NRG3: variants seen among roughly 807,000 people sequenced by gnomAD.
NRG3 encodes the protein pro-neuregulin-3, membrane-bound isoform.
A neutral mutation model predicts 66.9 loss-of-function variants in NRG3; 31 were observed. The ratio of observed to expected loss-of-function variants is 0.46; its 90% confidence interval spans 0.35 to 0.63. NRG3 has a LOEUF of 0.63. Among genes scored for constraint, NRG3 ranks in the 20% least tolerant of loss-of-function variants. The pLI, the probability that NRG3 is intolerant of heterozygous loss-of-function variation, is 0.00. For missense variants in NRG3, 910 were observed against 878.9 expected, an observed-to-expected ratio of 1.04 and a Z score of -0.45; for synonymous variants, 393 against 359.4, an observed-to-expected ratio of 1.09 and a Z score of -1.06.
intron 3 of NRG3, among the ~76,000 whole-genome samples, chr10:82,794,171 G>A (rs1393658204): frequency 3.3e-5 from 5 of 152,106 alleles, no homozygotes; most frequent in Non-Finnish European, 7.4e-5. Context: ...AGGTGCCTCA[G>A]ATAATAAATT....
At chr10:82,210,930 A>G (rs1280251083) in intron 1 of NRG3, among the ~76,000 whole-genome samples, 1 of 151,960 alleles carries the variant, frequency 6.6e-6, no homozygotes, top group Non-Finnish European at 1.5e-5. Flanking sequence ...GGTAAAAAAA[A>G]AAAAAAAGGC....
At chr10:82,980,108 G>A (rs575826654) in intron 8 of NRG3, among the ~76,000 whole-genome samples, 25 of 152,088 alleles carry the variant, frequency 1.6e-4, no homozygotes, top group African/African-American at 5.8e-4. Flanking sequence ...GGGAGGCTGA[G>A]GTGGCAGGAT....
intron 2 of NRG3, among the ~76,000 whole-genome samples, chr10:82,600,821 G>A (rs1019807474): frequency 2.0e-5 from 3 of 151,840 alleles, no homozygotes; most frequent in Non-Finnish European, 4.4e-5. Context: ...TATGGGGTAC[G>A]TGTGCAGGTT....
intron 2 of NRG3, among the ~76,000 whole-genome samples, chr10:82,393,746 G>T (rs182643388): frequency 6.6e-6 from 1 of 152,148 alleles, no homozygotes; most frequent in African/African-American, 2.4e-5. Context: ...TGCTCCTGGC[G>T]TAGATGTGGG....
At chr10:82,731,750 T>G (rs1417944163) in intron 2 of NRG3, among the ~76,000 whole-genome samples, 2 of 152,230 alleles carry the variant, frequency 1.3e-5, no homozygotes, top group African/African-American at 4.8e-5. Flanking sequence ...TGTAAATATC[T>G]CTTCCACATA....
chr10:82,220,049 G>C (rs181992329), intron 1 of NRG3, among the ~76,000 whole-genome samples: 9 of 151,850 alleles, frequency 5.9e-5, no homozygotes, highest in Admixed American at 5.3e-4. Flanking sequence ...ACCAGAAGAC[G>C]TGAGTAGAGA....
chr10:82,652,054 G>A (rs1327588292), intron 2 of NRG3, among the ~76,000 whole-genome samples: 2 of 152,182 alleles, frequency 1.3e-5, no homozygotes, highest in Non-Finnish European at 2.9e-5. Context: ...TTTGGCACCA[G>A]CAGGGGTGAA....
chr10:82,329,783 G>T (rs7916696), intron 1 of NRG3, among the ~76,000 whole-genome samples: 17,769 of 151,930 alleles, frequency 0.12, 1,834 homozygotes, highest in African/African-American at 0.26. Context: ...TTTCTTATAT[G>T]TCATCATGTA....
chr10:81,882,352 C>T (rs1450936706), intron 1 of NRG3, among the ~76,000 whole-genome samples: 1 of 152,082 alleles, frequency 6.6e-6, no homozygotes, highest in African/African-American at 2.4e-5. Context: ...AAATGAGAGT[C>T]AGTCATAACC....
At chr10:82,019,050 G>C (rs1425067427) in intron 1 of NRG3, among the ~76,000 whole-genome samples, 4 of 152,146 alleles carry the variant, frequency 2.6e-5, no homozygotes, top group East Asian at 3.9e-4. Context: ...TTTGCCCATT[G>C]AGGATGATAT....
chr10:82,668,572 A>G (rs1362676669), intron 2 of NRG3, among the ~76,000 whole-genome samples: 1 of 152,160 alleles, frequency 6.6e-6, no homozygotes, highest in East Asian at 1.9e-4. Context: ...TCTTAATATA[A>G]TATTTTGATG....
intron 1 of NRG3, among the ~76,000 whole-genome samples, chr10:82,237,260 T>C (rs1201424749): frequency 6.6e-6 from 1 of 152,152 alleles, no homozygotes; most frequent in Non-Finnish European, 1.5e-5. Flanking sequence ...CTTTTGAACA[T>C]TTTATGCCTC....
At chr10:82,899,987 T>C (rs371672408) in intron 4 of NRG3, among the ~76,000 whole-genome samples, 76 of 152,192 alleles carry the variant, frequency 5.0e-4, no homozygotes, top group African/African-American at 1.8e-3. Context: ...TAGCTCACCG[T>C]TCTGCAGGCT....
Position 82,974,167 on chromosome 10 carries a change from T to TA in NRG3, c.1412+264dup, listed in dbSNP as rs540381374. On this transcript the variant is annotated intron_variant, in intron 7 of 8. Transcript: ENST00000372141. ...AACACCCATCAAAGTTACAGACCAG[T>TA]AAAAAAAAAAAATGCATTCTGAAAA... Among the ~76,000 whole-genome samples, 1,195 of 143,650 alleles carry TA rather than the reference T, an allele frequency of 8.3e-3. 9 individuals carry two copies. Among genetic ancestry groups the TA allele is most frequent in the African/African-American group, 0.024 (961 of 39,436 alleles). The allele number at this position is 143,650 out of a possible 152,430, so 94.2% of individuals were successfully genotyped here.
rs2044716813 is a variant in NRG3, at chr10:82,557,356, GTGATTT to G, written c.954-181214_954-181209del. On this transcript the variant is annotated intron_variant, in intron 2 of 8. Transcript: ENST00000372141. ...GACTGGTGTGAGATGGTATCTCACTGTGATTTTGATTTGCATATCTGTAATGATCAG... is the reference window on the plus strand; with the variant it reads ...GACTGGTGTGAGATGGTATCTCACTGTGATTTGCATATCTGTAATGATCAG... Among the ~76,000 whole-genome samples the G allele has an allele frequency of 3.9e-5, 6 of 152,198 alleles. No individual in the cohort carries two copies. The South Asian group carries it at 1.2e-3, about 32-fold the overall frequency.
chr10:82,295,689 G>T (rs2134675867), intron 1 of NRG3, among the ~76,000 whole-genome samples: 1 of 152,216 alleles, frequency 6.6e-6, no homozygotes. Flanking sequence ...ATTTTATTCA[G>T]GAGGATTCAG....
intron 1 of NRG3, among the ~76,000 whole-genome samples, chr10:82,029,202 G>T (rs932886189): frequency 6.6e-6 from 1 of 151,840 alleles, no homozygotes; most frequent in African/African-American, 2.4e-5. Flanking sequence ...GAGAGAGACT[G>T]CATCTCAAAA....
At chr10:82,138,374 T>C (rs1463237746) in intron 1 of NRG3, among the ~76,000 whole-genome samples, 1 of 152,134 alleles carries the variant, frequency 6.6e-6, no homozygotes, top group Non-Finnish European at 1.5e-5. Context: ...CAAGTTGGCT[T>C]ACTATATTGG....
At chr10:82,773,577 A>C (rs1577465) in intron 3 of NRG3, among the ~76,000 whole-genome samples, 64,347 of 151,938 alleles carry the variant, frequency 0.42, 14,514 homozygotes, top group African/African-American at 0.58. Flanking sequence ...TGTGTAGAAG[A>C]TTTTTAGTTT....
Sources: gnomAD v4.1 joint callset for allele counts (sites outside exome capture counted in the v4.1 genomes callset) on GRCh38, gnomAD v4.1.1 for gene constraint, MANE v1.5 for transcripts, NCBI Gene and HGNC (gene_info 2026-07-23, HGNC 2026-07-21) for gene names.